The following GSAP variants were observed in gnomAD, a reference collection of about 807,000 sequenced individuals.
GSAP encodes gamma-secretase-activating protein.
Under a neutral mutation model 131.7 loss-of-function variants are expected in GSAP, and 118 were observed. The observed-to-expected ratio is 0.90, with a 90% CI of 0.77 to 1.04. The LOEUF is 1.04. Among genes scored for constraint, GSAP ranks in the 50% least tolerant of loss-of-function variants. GSAP has a pLI of 0.00. For missense variants in GSAP, 1,019 were observed against 1,013.2 expected, an observed-to-expected ratio of 1.01 and a Z score of -0.08; for synonymous variants, 381 against 363.4, an observed-to-expected ratio of 1.05 and a Z score of -0.55.
At chr7:77,358,699 T>C (rs1794109955) in intron 14 of GSAP, among the ~76,000 whole-genome samples, 1 of 152,238 alleles carries the variant, frequency 6.6e-6, no homozygotes. Context: ...CAACACTAAT[T>C]ATCTTTTCTA....
At chr7:77,313,937 T>C (rs767399594) in intron 27 of GSAP, among the ~76,000 whole-genome samples, 2 of 151,146 alleles carry the variant, frequency 1.3e-5, no homozygotes, top group Non-Finnish European at 3.0e-5. Context: ...AACTTTGAGA[T>C]GACAGAGTTA....
At chr7:77,400,154 A>C (rs925401735) in intron 3 of GSAP, among the ~76,000 whole-genome samples, 1 of 152,160 alleles carries the variant, frequency 6.6e-6, no homozygotes, top group Non-Finnish European at 1.5e-5. Context: ...AGCTGTTAAC[A>C]AGGCAGCCTT....
At chr7:77,369,056 A>G (rs1795743111) in intron 12 of GSAP, among the ~76,000 whole-genome samples, 2 of 152,246 alleles carry the variant, frequency 1.3e-5, no homozygotes, top group South Asian at 4.1e-4. Flanking sequence ...TGGAGCAATT[A>G]TTAAAAGGCT....
At chr7:77,360,142 T>C (rs1193857045) in intron 14 of GSAP, among the ~76,000 whole-genome samples, 2 of 152,232 alleles carry the variant, frequency 1.3e-5, no homozygotes, top group Admixed American at 1.3e-4. Flanking sequence ...AAGAATTACA[T>C]GCTCTAAACC....
chr7:77,352,791 T>TA (rs1490207064), intron 18 of GSAP, among the ~76,000 whole-genome samples, 153 bp downstream of exon 18: 1 of 122,892 alleles, frequency 8.1e-6, no homozygotes, highest in East Asian at 2.0e-4. Flanking sequence ...GATTTGCTAT[T>TA]ACTTTTCTGC....
intron 19 of GSAP, among the ~76,000 whole-genome samples, chr7:77,334,580 TAAAAA>T (rs57442782): frequency 1.6e-4 from 13 of 81,950 alleles, no homozygotes; most frequent in African/African-American, 5.9e-4. Context: ...ACTTAAAATT[TAAAAA>T]AAAAAAAAAA....
At chr7:77,358,510 ACTT>A (rs1794082678) in intron 14 of GSAP, among the ~76,000 whole-genome samples, 1 of 152,232 alleles carries the variant, frequency 6.6e-6, no homozygotes, top group Non-Finnish European at 1.5e-5. Context: ...TAAAATGGAT[ACTT>A]CTTATAATTT....
intron 3 of GSAP, among the ~76,000 whole-genome samples, chr7:77,404,131 A>C (rs1363945159): frequency 6.6e-6 from 1 of 152,266 alleles, no homozygotes; most frequent in Non-Finnish European, 1.5e-5. Context: ...CACACAGGGC[A>C]CAAGGGCCTG....
rs113296220 is a variant in GSAP, at chr7:77,349,419, AACAC to A, written c.1492-19_1492-16del. On this transcript the variant is annotated splice_polypyrimidine_tract_variant and intron_variant, in intron 18 of 30. Transcript: ENST00000257626. ...CCAGGAATTTCCTATAGTGGGGAAAAACACACACACACAGCTGCTCAGTGTATGA... is the reference window on the plus strand; with the variant it reads ...CCAGGAATTTCCTATAGTGGGGAAAAACACACACAGCTGCTCAGTGTATGA... 4.3e-5 allele frequency: 69 copies of A among 1,605,880 alleles called. No individual in the cohort carries two copies. Among genetic ancestry groups the A allele is most frequent in the African/African-American group, 3.5e-4 (26 of 74,854 alleles).
rs563933657 is a variant in GSAP, at chr7:77,336,934, T to C, written c.1546-6567A>G. ...TATGTGCAAACTGAACTTTGGGAAA[T>C]CAGTATTTCCCACATAACCAACTAA... On this transcript the variant is annotated intron_variant, in intron 19 of 30. Coordinates refer to ENST00000257626, the MANE Select transcript of GSAP (RefSeq NM_017439.4). Among the ~76,000 whole-genome samples the C allele has an allele frequency of 7.9e-5, 12 of 152,310 alleles. No homozygotes were observed. In the East Asian group the frequency reaches 2.1e-3, roughly 27 times the overall value.
rs757404926 is a variant in GSAP, at chr7:77,311,920, G to C, written c.2394C>G (p.Asn798Lys). 8.2e-6 allele frequency: 13 copies of C among 1,594,788 alleles called. No homozygotes were observed. The East Asian group carries it at 2.7e-4, about 33-fold the overall frequency. Residue 798 changes from asparagine to lysine, a missense_variant, in exon 30 of 31, where the codon AAC becomes AAG. Transcript: ENST00000257626. The stretch of plus-strand genomic sequence containing the variant: ...GAAATTCTACACTGAACGATGACTT[G>C]TTAATCATAGAATTCCGAGGCTAAA... ...YKKQPRNSMINKSSFSVEFLP... is the reference protein window; with the variant it reads ...YKKQPRNSMIKKSSFSVEFLP...
rs935430542 is a variant in GSAP at position 77,381,250 on chromosome 7, A to T, written c.576+55T>A. 3 of 894,398 alleles carry T rather than the reference A, an allele frequency of 3.4e-6. No homozygotes were observed. The Admixed American group carries it at 7.3e-5, about 22-fold the overall frequency. 55.4% of individuals were successfully genotyped at this position (894,398 alleles called of 1,614,324 possible). A position where few individuals can be genotyped will look rare whatever the true frequency, so the allele number is the denominator to read the frequency against. Reference sequence around the variant, plus strand: ...ATTATCTTTAGCAGTCTAGTAATGTACTTCTTTGTGGGGAAAAAAAAACCT... The same window carrying T: ...ATTATCTTTAGCAGTCTAGTAATGTTCTTCTTTGTGGGGAAAAAAAAACCT... On this transcript the variant is annotated intron_variant, in intron 8 of 30. Coordinates refer to ENST00000257626, the MANE Select transcript of GSAP (RefSeq NM_017439.4).
chr7:77,353,814 T>TTGGAGTGC, intron 16 of GSAP, 173 bp from the exon 17 acceptor site: 1 of 493,060 alleles, frequency 2.0e-6, no homozygotes, highest in Non-Finnish European at 3.6e-6. Context: ...TCTGGGTAGG[T>TTGGAGTGC]AAAACGGTAT....
intron 19 of GSAP, among the ~76,000 whole-genome samples, chr7:77,340,180 G>A (rs1790695685): frequency 6.6e-6 from 1 of 152,084 alleles, no homozygotes; most frequent in African/African-American, 2.4e-5. Context: ...ACACGCCCCT[G>A]CCCATAAGAC....
intron 8 of GSAP, chr7:77,379,825 G>A (rs1341984205): frequency 1.0e-6 from 1 of 980,192 alleles, no homozygotes; most frequent in Non-Finnish European, 1.2e-6. Flanking sequence ...GACAATGGTA[G>A]CCCAGAGCTC....
intron 18 of GSAP, 27 bp from the exon 19 acceptor site, chr7:77,349,431 C>G (rs781416084): frequency 6.9e-6 from 11 of 1,588,160 alleles, no homozygotes; most frequent in African/African-American, 6.7e-5. Flanking sequence ...CACACACACA[C>G]AGCTGCTCAG....
intron 2 of GSAP, among the ~76,000 whole-genome samples, 193 bp from the exon 3 acceptor site, chr7:77,404,808 G>C (rs1043062952): frequency 6.6e-4 from 100 of 152,216 alleles, no homozygotes; most frequent in African/African-American, 2.3e-3. Flanking sequence ...TGGATCAACA[G>C]TGTAGAGCTC....
chr7:77,318,864 C>T (rs966274807), intron 26 of GSAP, among the ~76,000 whole-genome samples: 5 of 142,528 alleles, frequency 3.5e-5, no homozygotes, highest in African/African-American at 7.9e-5. Flanking sequence ...AGAGGGACTA[C>T]ACCCAACAAA....
intron 3 of GSAP, among the ~76,000 whole-genome samples, chr7:77,397,876 G>A (rs891977902): frequency 5.9e-5 from 9 of 152,266 alleles, no homozygotes; most frequent in East Asian, 1.9e-4. Flanking sequence ...TGTAATTACT[G>A]AGGTAATTAA....
Sources: gnomAD v4.1 joint callset for allele counts (sites outside exome capture counted in the v4.1 genomes callset) on GRCh38, gnomAD v4.1.1 for gene constraint, MANE v1.5 for transcripts, NCBI Gene and HGNC (gene_info 2026-07-23, HGNC 2026-07-21) for gene names.